The following CHTF8 variants were observed in gnomAD, a reference collection of about 807,000 sequenced individuals.
The protein encoded by CHTF8 is chromosome transmission fidelity factor 8, also known as chromosome transmission fidelity protein 8 homolog.
Under a neutral mutation model 11.0 loss-of-function variants are expected in CHTF8, and 6 were observed. That is an observed-to-expected ratio of 0.55 (90% CI 0.30 to 1.08). CHTF8 has a LOEUF of 1.08. Among genes scored for constraint, CHTF8 ranks in the 50% least tolerant of loss-of-function variants. The pLI, the probability that CHTF8 is intolerant of heterozygous loss-of-function variation, is 0.07. For missense variants in CHTF8, 140 were observed against 153.1 expected, an observed-to-expected ratio of 0.91 and a Z score of 0.45; for synonymous variants, 53 against 60.5, an observed-to-expected ratio of 0.88 and a Z score of 0.57.
At position 69,118,101 on chromosome 16, in the gene CHTF8, A is replaced by C; in HGVS notation, c.*2324T>G. The C allele has an allele frequency of 1.8e-6, 1 of 543,972 alleles. No individual in the cohort carries two copies. The highest frequency in any genetic ancestry group is 3.3e-6 in the Non-Finnish European group (1 of 302,642). 33.7% of individuals were successfully genotyped at this position (543,972 alleles called of 1,614,324 possible). A position where few individuals can be genotyped will look rare whatever the true frequency, so the allele number is the denominator to read the frequency against. ...CCTTGCACACCAGGCCGAACAAAGC[A>C]CAGTGATTTCTTCCCTTCATCCCCC... On this transcript the variant is annotated 3_prime_UTR_variant, in exon 4 of 4. Coordinates refer to ENST00000448552, the MANE Select transcript of CHTF8 (RefSeq NM_001039690.5).
rs556769315 is a variant in CHTF8 at position 69,119,064 on chromosome 16, G to T, written c.*1361C>A. 58 of 703,060 alleles carry T rather than the reference G, an allele frequency of 8.2e-5. No homozygotes were observed. The highest frequency in any genetic ancestry group is 7.5e-4 in the South Asian group (51 of 67,590). The allele number at this position is 703,060 out of a possible 1,614,324, so 43.6% of individuals were successfully genotyped here. Reference sequence around the variant, plus strand: ...AAGGAGCTGGGTTGATACCCACAGGGCCAGCTGGAGAAGGGCCCAGATGCC... The same window carrying T: ...AAGGAGCTGGGTTGATACCCACAGGTCCAGCTGGAGAAGGGCCCAGATGCC... On this transcript the variant is annotated 3_prime_UTR_variant, in exon 4 of 4. Transcript: ENST00000448552.
chr16:69,127,161 C>T (rs1343708530), intron 1 of CHTF8, among the ~76,000 whole-genome samples: 2 of 151,676 alleles, frequency 1.3e-5, no homozygotes, highest in Non-Finnish European at 2.9e-5. Context: ...TTGCTTGAAC[C>T]TGGGAGGCGG....
chr16:69,128,841 A>G (rs1962281643), intron 1 of CHTF8, among the ~76,000 whole-genome samples: 1 of 152,168 alleles, frequency 6.6e-6, no homozygotes, highest in Non-Finnish European at 1.5e-5. Flanking sequence ...CAAGGCGGGT[A>G]GATCATGAAG....
At chr16:69,126,628 C>T (rs1267699239) in intron 1 of CHTF8, among the ~76,000 whole-genome samples, 12 of 152,172 alleles carry the variant, frequency 7.9e-5, no homozygotes, top group Non-Finnish European at 1.2e-4. Flanking sequence ...AAATGAAGTT[C>T]GAGCCCAGCT....
At position 69,132,531 on chromosome 16, in the gene CHTF8, A is replaced by C; in HGVS notation, c.-83T>G. On this transcript the variant is annotated 5_prime_UTR_variant, in exon 1 of 4. Transcript: ENST00000448552. Reference sequence around the variant, plus strand: ...CGGCGCCGCGCGGCCAACGGGCGACAACCGAACCTCCCGCCGCCGTCGCCG... The same window carrying C: ...CGGCGCCGCGCGGCCAACGGGCGACCACCGAACCTCCCGCCGCCGTCGCCG... 2.9e-6 allele frequency: 1 copy of C among 344,142 alleles called. No individual in the cohort carries two copies. The highest frequency in any genetic ancestry group is 5.7e-6 in the Non-Finnish European group (1 of 176,474). The allele number at this position is 344,142 out of a possible 1,614,324, so 21.3% of individuals were successfully genotyped here.
intron 1 of CHTF8, among the ~76,000 whole-genome samples, chr16:69,122,100 A>C (rs1254273121): frequency 6.6e-6 from 1 of 151,998 alleles, no homozygotes; most frequent in Non-Finnish European, 1.5e-5. Flanking sequence ...ACTAATATTT[A>C]TTACTTACTG....
In CHTF8 at chr16:69,120,986, TG is replaced by T. The variant is rs754897807; in HGVS notation, c.141+66del. The T allele has an allele frequency of 1.5e-6, 2 of 1,364,640 alleles. No individual in the cohort carries two copies. The highest frequency in any genetic ancestry group is 2.1e-6 in the Non-Finnish European group (2 of 952,024). The allele number at this position is 1,364,640 out of a possible 1,614,324, so 84.5% of individuals were successfully genotyped here. ...CTGAGGCAGTCCTCACTCTGGGTCCTGGGAGCACCACCTTGGTGTAGCTTGC... is the reference window on the plus strand; with the variant it reads ...CTGAGGCAGTCCTCACTCTGGGTCCTGGAGCACCACCTTGGTGTAGCTTGC... On this transcript the variant is annotated intron_variant, in intron 3 of 3. Coordinates refer to ENST00000448552, the MANE Select transcript of CHTF8 (RefSeq NM_001039690.5). The surrounding 1 kb of genome is among the most constrained non-coding windows in gnomAD (Gnocchi z 4.0).
rs926016392 is a variant in CHTF8 at position 69,119,790 on chromosome 16, C to G, written c.*635G>C. The stretch of plus-strand genomic sequence containing the variant: ...GGTTTGTCCCTAAAAAGCCTGATCT[C>G]AGATTGGGGTTTGGTCCTGGGCCCA... On this transcript the variant is annotated 3_prime_UTR_variant, in exon 4 of 4. Coordinates refer to ENST00000448552, the MANE Select transcript of CHTF8 (RefSeq NM_001039690.5). The G allele has an allele frequency of 4.3e-6, 3 of 700,166 alleles. No homozygotes were observed. Among genetic ancestry groups the G allele is most frequent in the Admixed American group, 2.0e-5 (1 of 49,966 alleles). The allele number at this position is 700,166 out of a possible 1,614,324, so 43.4% of individuals were successfully genotyped here. A position where few individuals can be genotyped will look rare whatever the true frequency, so the allele number is the denominator to read the frequency against.
intron 1 of CHTF8, among the ~76,000 whole-genome samples, chr16:69,122,151 C>T (rs955523188): frequency 1.3e-5 from 2 of 152,174 alleles, no homozygotes; most frequent in Admixed American, 6.5e-5. Flanking sequence ...CACATTTTAT[C>T]TTGTTCCTCT....
At position 69,119,095 on chromosome 16, in the gene CHTF8, G is replaced by A. The variant is rs1961404924; in HGVS notation, c.*1330C>T. 2.8e-6 allele frequency: 2 copies of A among 702,962 alleles called. No individual in the cohort carries two copies. Among genetic ancestry groups the A allele is most frequent in the Admixed American group, 2.0e-5 (1 of 50,006 alleles). The allele number at this position is 702,962 out of a possible 1,614,324, so 43.5% of individuals were successfully genotyped here. On this transcript the variant is annotated 3_prime_UTR_variant, in exon 4 of 4. Coordinates refer to ENST00000448552, the MANE Select transcript of CHTF8 (RefSeq NM_001039690.5). ...TGGAGAAGGGCCCAGATGCCCGGCAGCTGGCCTGGGGAAAGTAACTTGACC... is the reference window on the plus strand; with the variant it reads ...TGGAGAAGGGCCCAGATGCCCGGCAACTGGCCTGGGGAAAGTAACTTGACC...
chr16:69,121,670 G>C (rs1046533824), intron 1 of CHTF8, among the ~76,000 whole-genome samples, 177 bp from the exon 2 acceptor site: 5 of 151,222 alleles, frequency 3.3e-5, no homozygotes, highest in Admixed American at 3.3e-4. Flanking sequence ...GTAGAGATGG[G>C]GTTTTTTTTT....
In CHTF8 at chr16:69,120,725, C is replaced by A; in HGVS notation, c.142-76G>T. ...CACTCAGGCGCCTCCTAAAGCTGCT[C>A]TTGGCAGGCTATGCTGGCACCTCCA... On this transcript the variant is annotated intron_variant, in intron 3 of 3. Coordinates refer to ENST00000448552, the MANE Select transcript of CHTF8 (RefSeq NM_001039690.5). The surrounding 1 kb of genome is among the most constrained non-coding windows in gnomAD (Gnocchi z 4.0). 1 of 1,302,252 alleles carries A rather than the reference C, an allele frequency of 7.7e-7. No homozygotes were observed. The highest frequency in any genetic ancestry group is 1.3e-5 in the South Asian group (1 of 74,934). The allele number at this position is 1,302,252 out of a possible 1,614,324, so 80.7% of individuals were successfully genotyped here.
At chr16:69,123,078 TGA>T (rs1396764840) in intron 1 of CHTF8, among the ~76,000 whole-genome samples, 1 of 152,126 alleles carries the variant, frequency 6.6e-6, no homozygotes, top group Non-Finnish European at 1.5e-5. Context: ...TTTCTTCTTT[TGA>T]GACAGGGTCT....
At chr16:69,121,351 G>A (rs953968974) in intron 2 of CHTF8, 85 bp downstream of exon 2, 1 of 1,314,986 alleles carries the variant, frequency 7.6e-7, no homozygotes, top group African/African-American at 1.5e-5. Flanking sequence ...ATGCACCTAA[G>A]GACCCTGATT....
chr16:69,127,115 G>A (rs1962119521), intron 1 of CHTF8, among the ~76,000 whole-genome samples: 1 of 152,022 alleles, frequency 6.6e-6, no homozygotes, highest in South Asian at 2.1e-4. Context: ...GCGGGTGCCT[G>A]TAATCCCAGC....
rs1961874924 is a variant in CHTF8 at position 69,123,948 on chromosome 16, C to CA, written c.-35-2456dup. Among the ~76,000 whole-genome samples the CA allele has an allele frequency of 2.0e-5, 2 of 99,598 alleles. 1 individual carries two copies. Among genetic ancestry groups the CA allele is most frequent in the South Asian group, 6.6e-4 (2 of 3,042 alleles). The allele number at this position is 99,598 out of a possible 152,430, so 65.3% of individuals were successfully genotyped here. ...ACTAAAAAAAAAAAAAAAAAAAAAA[C>CA]AAAAAATTAGCTGGGTGTGGTGGCG... is the stretch of plus-strand genomic sequence containing the variant. On this transcript the variant is annotated intron_variant, in intron 1 of 3. Transcript: ENST00000448552.
chr16:69,121,347 C>T (rs1480077423), intron 2 of CHTF8, 89 bp downstream of exon 2: 2 of 1,303,554 alleles, frequency 1.5e-6, no homozygotes, highest in Admixed American at 2.1e-5. Context: ...CAAGATGCAC[C>T]TAAGGACCCT....
chr16:69,122,380 TTC>T (rs1961739807), intron 1 of CHTF8, among the ~76,000 whole-genome samples: 1 of 151,886 alleles, frequency 6.6e-6, no homozygotes, highest in Non-Finnish European at 1.5e-5. Context: ...TTTTTTTTTT[TTC>T]TTTTTCTTGA....
chr16:69,125,822 T>A lies in CHTF8; in HGVS notation c.-35-4329A>T, dbSNP rs1962022236. Among the ~76,000 whole-genome samples the A allele has an allele frequency of 2.6e-5, 4 of 152,256 alleles. No homozygotes were observed. In the South Asian group the frequency reaches 8.3e-4, roughly 32 times the overall value. On this transcript the variant is annotated intron_variant, in intron 1 of 3. Transcript: ENST00000448552. Reference sequence around the variant, plus strand: ...TCCTGCCTGTAAGTGTGGACCTCTTTACTGTGTAGTCAAGAACAAGTCACT... The same window carrying A: ...TCCTGCCTGTAAGTGTGGACCTCTTAACTGTGTAGTCAAGAACAAGTCACT...
Sources: allele counts gnomAD v4.1 joint callset (sites outside exome capture counted in the v4.1 genomes callset), GRCh38; gene constraint gnomAD v4.1.1; non-coding constraint Gnocchi (gnomAD v3.1); transcripts MANE v1.5; gene names NCBI Gene and HGNC (gene_info 2026-07-23, HGNC 2026-07-21).